MAN1A2: variants seen among roughly 807,000 people sequenced by gnomAD.
MAN1A2 encodes the protein mannosidase alpha class 1A member 2.
MAN1A2 carries 26 observed loss-of-function variants against 75.7 expected under a neutral mutation model. The ratio of observed to expected loss-of-function variants is 0.34; its 90% CI spans 0.25 to 0.48. The LOEUF is 0.48. MAN1A2 is among the 20% of genes least tolerant of loss of function. The pLI is 0.99. For synonymous variants in MAN1A2, 247 were observed against 264.6 expected, an observed-to-expected ratio of 0.93 and a Z score of 0.65; for missense variants, 562 against 775.5, an observed-to-expected ratio of 0.72 and a Z score of 3.27.
intron 6 of MAN1A2, among the ~76,000 whole-genome samples, chr1:117,454,758 C>A (rs946470322): frequency 2.0e-5 from 3 of 152,096 alleles, no homozygotes; most frequent in African/African-American, 7.2e-5. Flanking sequence ...TAATAACTCG[C>A]ATAGTGGGGC....
chr1:117,433,261 C>A (rs1304957353), intron 5 of MAN1A2, among the ~76,000 whole-genome samples: 3 of 151,950 alleles, frequency 2.0e-5, no homozygotes, highest in Non-Finnish European at 4.4e-5. Flanking sequence ...TTTAGGATTT[C>A]AGATTAGAGA....
chr1:117,507,209 A>T (rs1934249), intron 12 of MAN1A2, among the ~76,000 whole-genome samples: 29,415 of 151,534 alleles, frequency 0.19, 3,652 homozygotes, highest in East Asian at 0.4. Flanking sequence ...GCACCTTGGA[A>T]TTTCAAAACC....
chr1:117,484,932 T>C (rs1325560646), intron 8 of MAN1A2, among the ~76,000 whole-genome samples: 2 of 151,956 alleles, frequency 1.3e-5, no homozygotes, highest in South Asian at 2.1e-4. Context: ...TTTTTCCACA[T>C]TGTTGCAAAT....
chr1:117,499,704 T>A, intron 11 of MAN1A2, 150 bp downstream of exon 11: 1 of 382,304 alleles, frequency 2.6e-6, no homozygotes, highest in Non-Finnish European at 4.7e-6. Context: ...CAATTTAAGT[T>A]TCTGGGCAGT....
chr1:117,450,727 A>G (rs574798915), intron 6 of MAN1A2, among the ~76,000 whole-genome samples: 60 of 152,340 alleles, frequency 3.9e-4, no homozygotes, highest in African/African-American at 1.2e-3. Flanking sequence ...AGCTCAGACT[A>G]TGGCTTCAGA....
chr1:117,450,670 C>A (rs899291427), intron 6 of MAN1A2, among the ~76,000 whole-genome samples: 1 of 152,180 alleles, frequency 6.6e-6, no homozygotes, highest in African/African-American at 2.4e-5. Context: ...GGACTTGGTG[C>A]CCTGTATCCC....
At chr1:117,448,592 A>G (rs1195865535) in intron 6 of MAN1A2, among the ~76,000 whole-genome samples, 2 of 152,234 alleles carry the variant, frequency 1.3e-5, no homozygotes, top group Non-Finnish European at 2.9e-5. Flanking sequence ...ACAAGCTTGA[A>G]GGCAGATTTG....
chr1:117,490,186 G>T (rs1650835340), intron 8 of MAN1A2, among the ~76,000 whole-genome samples: 1 of 151,902 alleles, frequency 6.6e-6, no homozygotes, highest in Non-Finnish European at 1.5e-5. Context: ...CACAGATATT[G>T]CAGGGTTTGG....
At chr1:117,423,507 CATTT>C (rs951558713) in intron 5 of MAN1A2, among the ~76,000 whole-genome samples, 1 of 151,892 alleles carries the variant, frequency 6.6e-6, no homozygotes, top group African/African-American at 2.4e-5. Context: ...TATATCTCTC[CATTT>C]ATTTATTTTT....
chr1:117,382,880 T>C (rs1158338569), intron 1 of MAN1A2, among the ~76,000 whole-genome samples: 1 of 152,246 alleles, frequency 6.6e-6, no homozygotes, highest in Non-Finnish European at 1.5e-5. Context: ...AGTGTTGATG[T>C]TATGCACTAC....
At chr1:117,371,786 C>T (rs1652973093) in intron 1 of MAN1A2, among the ~76,000 whole-genome samples, 1 of 152,126 alleles carries the variant, frequency 6.6e-6, no homozygotes, top group Non-Finnish European at 1.5e-5. Context: ...TCAGCATTCA[C>T]AGATCAGGAG....
At chr1:117,447,703 G>C (rs1649282881) in intron 6 of MAN1A2, among the ~76,000 whole-genome samples, 1 of 152,088 alleles carries the variant, frequency 6.6e-6, no homozygotes, top group African/African-American at 2.4e-5. Flanking sequence ...TTATTCAGTA[G>C]ATAGCCTTTT....
At chr1:117,470,056 A>G (rs1424589348) in intron 8 of MAN1A2, among the ~76,000 whole-genome samples, 1 of 152,162 alleles carries the variant, frequency 6.6e-6, no homozygotes, top group Admixed American at 6.5e-5. Context: ...AAAAGGAGAA[A>G]GTAACTCAAA....
At chr1:117,493,331 G>A (rs1248111101) in intron 9 of MAN1A2, 69 bp downstream of exon 9, 26 of 926,916 alleles carry the variant, frequency 2.8e-5, no homozygotes, top group Non-Finnish European at 4.0e-5. Flanking sequence ...GTGACTAGAT[G>A]AATATCTTAT....
chr1:117,425,871 A>T lies in MAN1A2; in HGVS notation c.855+5222A>T, dbSNP rs1431667550. 2.0e-5 allele frequency among the ~76,000 whole-genome samples: 3 copies of T among 152,116 alleles called. No homozygotes were observed. The East Asian group carries it at 5.8e-4, about 29-fold the overall frequency. ...CGTTTAGAACTATTAAAAATAAAAG[A>T]AATGCCTTTTTGTCTTCATTTCAGT... is the stretch of plus-strand genomic sequence containing the variant. On this transcript the variant is annotated intron_variant, in intron 5 of 12. Transcript: ENST00000356554.
At chr1:117,389,172 C>G (rs979872197) in intron 1 of MAN1A2, among the ~76,000 whole-genome samples, 1 of 152,124 alleles carries the variant, frequency 6.6e-6, no homozygotes, top group Non-Finnish European at 1.5e-5. Flanking sequence ...AAAGAAAGAA[C>G]GAGTTACTAT....
At chr1:117,381,485 T>A (rs1173460009) in intron 1 of MAN1A2, among the ~76,000 whole-genome samples, 1 of 152,096 alleles carries the variant, frequency 6.6e-6, no homozygotes, top group Non-Finnish European at 1.5e-5. Context: ...GATTTCCAAT[T>A]TCATCCATGT....
At chr1:117,502,276 T>C (rs1053919331) in intron 11 of MAN1A2, among the ~76,000 whole-genome samples, 1 of 151,712 alleles carries the variant, frequency 6.6e-6, no homozygotes, top group African/African-American at 2.4e-5. Context: ...ACTCTTTATA[T>C]TGTAATTATT....
rs989964688 is a variant in MAN1A2 at position 117,525,819 on chromosome 1, A to G, written c.*2862A>G. ...TAACCAAAAAGAAGTCTCAACTCAGAAAAATAAGTCCCCAGTCAGGTGGTT... is the reference window on the plus strand; with the variant it reads ...TAACCAAAAAGAAGTCTCAACTCAGGAAAATAAGTCCCCAGTCAGGTGGTT... On this transcript the variant is annotated 3_prime_UTR_variant, in exon 13 of 13. Coordinates refer to ENST00000356554, the MANE Select transcript of MAN1A2 (RefSeq NM_006699.5). 2 of 151,836 alleles carry G rather than the reference A, an allele frequency of 1.3e-5. No individual in the cohort carries two copies. Among genetic ancestry groups the G allele is most frequent in the Admixed American group, 6.6e-5 (1 of 15,198 alleles). The allele number at this position is 151,836 out of a possible 1,614,324, so 9.4% of individuals were successfully genotyped here. A position where few individuals can be genotyped will look rare whatever the true frequency, so the allele number is the denominator to read the frequency against.
Sources: gnomAD v4.1 joint callset for allele counts (sites outside exome capture counted in the v4.1 genomes callset) on GRCh38, gnomAD v4.1.1 for gene constraint, MANE v1.5 for transcripts, NCBI Gene and HGNC (gene_info 2026-07-23, HGNC 2026-07-21) for gene names.